The following ADAMTS12 variants were observed in gnomAD, a reference collection of about 807,000 sequenced individuals.
The protein encoded by ADAMTS12 is ADAM metallopeptidase with thrombospondin type 1 motif 12.
A neutral mutation model predicts 167.8 loss-of-function variants in ADAMTS12; 118 were observed. The ratio of observed to expected loss-of-function variants is 0.70; its 90% CI spans 0.61 to 0.82. The LOEUF (loss-of-function observed/expected upper bound fraction) is 0.82. Ranked by LOEUF, ADAMTS12 falls within the 40% of genes least tolerant of loss-of-function variation. The pLI is 0.00. For synonymous variants in ADAMTS12, 704 were observed against 716.9 expected, an observed-to-expected ratio of 0.98 and a Z score of 0.29; for missense variants, 1,916 against 1,998.8, an observed-to-expected ratio of 0.96 and a Z score of 0.79.
In ADAMTS12 at chr5:33,576,944, T is replaced by C. The variant is rs200132406; in HGVS notation, c.3082A>G (p.Arg1028Gly). ...GTGGGTGTGGTCAGCATTCTGGGCC[T>C]GGATGTAGGTGGAGGGACGGGCTTT... ...TLKPVPPPTS[R>G]PRMLTTPTGP... The change falls in exon 19 of 24, where the codon AGG (arginine) becomes GGG (glycine). Residue 1028 changes from arginine to glycine, a missense_variant. Transcript: ENST00000504830. The C allele has an allele frequency of 6.2e-7, 1 of 1,614,224 alleles. No individual in the cohort carries two copies. The highest frequency in any genetic ancestry group is 1.1e-5 in the South Asian group (1 of 91,082).
rs1483680930 is a variant in ADAMTS12 at position 33,642,020 on chromosome 5, GC to G, written c.1573-66del. ...GTTACCAGAGCAAGCTGAGCCAAGA[GC>G]CCTAAAAGTCTAAACCCAATTCTCT... is the stretch of plus-strand genomic sequence containing the variant. On this transcript the variant is annotated intron_variant, in intron 10 of 23. Coordinates refer to ENST00000504830, the MANE Select transcript of ADAMTS12 (RefSeq NM_030955.4). 60 of 1,479,744 alleles carry G rather than the reference GC, an allele frequency of 4.1e-5. No individual in the cohort carries two copies. The African/African-American group carries it at 7.1e-4, about 17-fold the overall frequency. The allele number at this position is 1,479,744 out of a possible 1,614,324, so 91.7% of individuals were successfully genotyped here. A position where few individuals can be genotyped will look rare whatever the true frequency, so the allele number is the denominator to read the frequency against.
intron 3 of ADAMTS12, among the ~76,000 whole-genome samples, chr5:33,738,420 A>C (rs1009284223): frequency 2.0e-5 from 3 of 152,206 alleles, no homozygotes; most frequent in African/African-American, 7.2e-5. Context: ...CAAGAAATGA[A>C]GGTATGCAAA....
chr5:33,879,577 A>C (rs1244938105), intron 2 of ADAMTS12, among the ~76,000 whole-genome samples: 1 of 152,206 alleles, frequency 6.6e-6, no homozygotes, highest in African/African-American at 2.4e-5. Flanking sequence ...CCCAGAGAGA[A>C]GAGGAAAAGA....
At chr5:33,737,639 G>T (rs182696092) in intron 3 of ADAMTS12, among the ~76,000 whole-genome samples, 1 of 152,050 alleles carries the variant, frequency 6.6e-6, no homozygotes, top group East Asian at 1.9e-4. Flanking sequence ...CAAATACCTG[G>T]GTATTTTCAG....
intron 19 of ADAMTS12, among the ~76,000 whole-genome samples, chr5:33,566,317 T>G (rs920606179): frequency 6.6e-6 from 1 of 152,046 alleles, no homozygotes; most frequent in African/African-American, 2.4e-5. Flanking sequence ...AATAAAAAAA[T>G]TATCTAGGTG....
intron 2 of ADAMTS12, among the ~76,000 whole-genome samples, chr5:33,823,962 T>C (rs1326323851): frequency 6.6e-6 from 1 of 152,202 alleles, no homozygotes; most frequent in African/African-American, 2.4e-5. Context: ...TGCATACATG[T>C]ATCAAATCAT....
At chr5:33,867,824 T>C (rs1749882520) in intron 2 of ADAMTS12, among the ~76,000 whole-genome samples, 1 of 152,176 alleles carries the variant, frequency 6.6e-6, no homozygotes, top group Non-Finnish European at 1.5e-5. Context: ...TTAAGTTTGA[T>C]ATGGTTTGGA....
chr5:33,794,703 G>C (rs1430911412), intron 2 of ADAMTS12, among the ~76,000 whole-genome samples: 1 of 152,206 alleles, frequency 6.6e-6, no homozygotes, highest in African/African-American at 2.4e-5. Context: ...TGCCTGTTAA[G>C]ATGTGAATGT....
chr5:33,692,378 A>G (rs1000695053), intron 3 of ADAMTS12, among the ~76,000 whole-genome samples: 3 of 152,200 alleles, frequency 2.0e-5, no homozygotes, highest in African/African-American at 7.2e-5. Flanking sequence ...TGGGTTCCTG[A>G]TTGTGGAGAT....
chr5:33,643,564 C>T, intron 9 of ADAMTS12, 94 bp from the exon 10 acceptor site: 1 of 1,069,228 alleles, frequency 9.4e-7, no homozygotes, highest in Non-Finnish European at 1.4e-6. Flanking sequence ...TCCACACACT[C>T]ACAATAAATG....
At chr5:33,558,582 G>A (rs139639465) in intron 20 of ADAMTS12, among the ~76,000 whole-genome samples, 17 of 152,242 alleles carry the variant, frequency 1.1e-4, no homozygotes, top group Admixed American at 3.9e-4. Context: ...TTAGGAGGCC[G>A]GACCCCAGAG....
At chr5:33,561,699 T>C (rs1745756583) in intron 19 of ADAMTS12, among the ~76,000 whole-genome samples, 1 of 152,206 alleles carries the variant, frequency 6.6e-6, no homozygotes, top group Non-Finnish European at 1.5e-5. Flanking sequence ...TAGGACTGCT[T>C]GAACCTGGGA....
intron 16 of ADAMTS12, among the ~76,000 whole-genome samples, chr5:33,599,303 T>C (rs1433850224): frequency 1.3e-5 from 2 of 152,232 alleles, no homozygotes; most frequent in Non-Finnish European, 2.9e-5. Flanking sequence ...CTTTCTTCTT[T>C]CCTCCAGTCA....
chr5:33,593,784 A>G (rs1035886205), intron 17 of ADAMTS12, among the ~76,000 whole-genome samples: 1 of 152,178 alleles, frequency 6.6e-6, no homozygotes, highest in Non-Finnish European at 1.5e-5. Flanking sequence ...CCACCATGGC[A>G]CATGTATATC....
At chr5:33,798,759 G>A (rs1315836893) in intron 2 of ADAMTS12, among the ~76,000 whole-genome samples, 1 of 151,974 alleles carries the variant, frequency 6.6e-6, no homozygotes, top group East Asian at 1.9e-4. Flanking sequence ...AAGAATTGTG[G>A]TTCTATTGGA....
intron 2 of ADAMTS12, among the ~76,000 whole-genome samples, chr5:33,821,818 T>C (rs1747880946): frequency 6.6e-6 from 1 of 152,194 alleles, no homozygotes; most frequent in Non-Finnish European, 1.5e-5. Context: ...CATCACCCTT[T>C]CAATCCTCTT....
chr5:33,762,412 G>A (rs1376707266), intron 2 of ADAMTS12, among the ~76,000 whole-genome samples: 1 of 150,004 alleles, frequency 6.7e-6, no homozygotes, highest in Non-Finnish European at 1.5e-5. Context: ...GGAGGCTGAG[G>A]CAGGAGAATG....
chr5:33,700,825 T>C (rs996275378), intron 3 of ADAMTS12, among the ~76,000 whole-genome samples: 11 of 152,162 alleles, frequency 7.2e-5, no homozygotes, highest in Non-Finnish European at 2.9e-5. Flanking sequence ...CTTTGTATTG[T>C]ATCTTATGAC....
Position 33,621,261 on chromosome 5 carries a change from G to A in ADAMTS12, c.2143+2970C>T, listed in dbSNP as rs186031320. Among the ~76,000 whole-genome samples, 9 of 152,076 alleles carry A rather than the reference G, an allele frequency of 5.9e-5. No homozygotes were observed. In the South Asian group the frequency reaches 1.0e-3, roughly 18 times the overall value. The stretch of plus-strand genomic sequence containing the variant: ...AAAAAAATACAAAAATTAGCCAGGC[G>A]TGGTGTCACGCACCTGTAATCCCAG... On this transcript the variant is annotated intron_variant, in intron 14 of 23. Transcript: ENST00000504830.
Sources: gnomAD v4.1 joint callset for allele counts (sites outside exome capture counted in the v4.1 genomes callset) on GRCh38, gnomAD v4.1.1 for gene constraint, MANE v1.5 for transcripts, NCBI Gene and HGNC (gene_info 2026-07-23, HGNC 2026-07-21) for gene names.